Variants in TMEM132C observed in about 807,000 individuals in gnomAD.
TMEM132C encodes the protein transmembrane protein 132C.
TMEM132C carries 29 observed loss-of-function variants against 61.4 expected under a neutral mutation model. The ratio of observed to expected loss-of-function variants is 0.47; its 90% CI spans 0.35 to 0.64. The LOEUF (loss-of-function observed/expected upper bound fraction) is 0.64, where lower values mean the gene tolerates loss of function less well. TMEM132C is among the 30% of genes least tolerant of loss of function. TMEM132C has a pLI of 0.00. For synonymous variants in TMEM132C, 656 were observed against 633.1 expected (o/e 1.04, Z -0.54); for missense variants, 1,408 against 1,476.9 (o/e 0.95, Z 0.76).
intron 1 of TMEM132C, among the ~76,000 whole-genome samples, chr12:128,325,932 C>T (rs1434933704): frequency 2.6e-5 from 4 of 151,958 alleles, no homozygotes; most frequent in South Asian, 2.1e-4. Context: ...TCTTGCTCCT[C>T]GGTCTGCAGC....
rs770469286 is a variant in TMEM132C at position 128,415,193 on chromosome 12, G to GCCC, written c.547_548insCCC (p.Gly183delinsAlaArg). ...TTTCCGAGAAACCAGAGAGGTGCGG[G>GCCC]GCAGCTGCCGGCTGAAGGGGGACCT... On this transcript the variant is annotated protein_altering_variant, in exon 2 of 9. Transcript: ENST00000435159. This position sits in a 1 kb window ranked among gnomAD's most constrained non-coding sequence, Gnocchi z 5.8. The GCCC allele has an allele frequency of 1.4e-5, 22 of 1,610,622 alleles. 1 individual carries two copies. Among genetic ancestry groups the GCCC allele is most frequent in the Non-Finnish European group, 1.8e-5 (21 of 1,178,542 alleles).
intron 2 of TMEM132C, among the ~76,000 whole-genome samples, chr12:128,481,392 G>A (rs541054120): frequency 5.3e-5 from 8 of 152,268 alleles, no homozygotes; most frequent in African/African-American, 7.2e-5. Flanking sequence ...CAGGCCGGAC[G>A]GCTTTGGGGC....
Position 128,267,497 on chromosome 12 carries a change from G to A in TMEM132C, c.85+10G>A, listed in dbSNP as rs1430019642. The A allele has an allele frequency of 1.6e-6, 2 of 1,242,174 alleles. No homozygotes were observed. Among genetic ancestry groups the A allele is most frequent in the African/African-American group, 3.1e-5 (2 of 64,036 alleles). The allele number at this position is 1,242,174 out of a possible 1,614,324, so 76.9% of individuals were successfully genotyped here. ...GCGCTGCTGGGCAAAGGTAAGGCCG[G>A]GGCGGGTGCCTGGCGCGCCGACGCA... On this transcript the variant is annotated intron_variant, in intron 1 of 8. Transcript: ENST00000435159.
intron 1 of TMEM132C, among the ~76,000 whole-genome samples, chr12:128,315,714 T>G (rs938393711): frequency 5.9e-5 from 9 of 152,016 alleles, no homozygotes; most frequent in African/African-American, 2.2e-4. Context: ...ATGTAGTTAG[T>G]GAAGATGAGG....
At chr12:128,651,406 T>G (rs1954269076) in intron 4 of TMEM132C, among the ~76,000 whole-genome samples, 3 of 152,354 alleles carry the variant, frequency 2.0e-5, no homozygotes, top group East Asian at 1.9e-4. Context: ...TCCTGCTGCT[T>G]CTTTCTAATT....
chr12:128,508,133 C>A (rs1872440089), intron 2 of TMEM132C, among the ~76,000 whole-genome samples: 1 of 152,126 alleles, frequency 6.6e-6, no homozygotes, highest in Non-Finnish European at 1.5e-5. Context: ...TTAATGGACT[C>A]ACAGTTCCAC....
Position 128,553,311 on chromosome 12 carries a change from T to A in TMEM132C, c.1121+9208T>A, listed in dbSNP as rs986410657. Among the ~76,000 whole-genome samples, 9 of 151,830 alleles carry A rather than the reference T, an allele frequency of 5.9e-5. No homozygotes were observed. The East Asian group carries it at 1.2e-3, about 20-fold the overall frequency. On this transcript the variant is annotated intron_variant, in intron 3 of 8. Coordinates refer to ENST00000435159, the MANE Select transcript of TMEM132C (RefSeq NM_001136103.3). ...GCTGAGATTTTCTTCTCCTTACCTT[T>A]TTATTAGGCTTATTTTTTTAATGCC...
At chr12:128,355,368 A>T (rs1398845550) in intron 1 of TMEM132C, among the ~76,000 whole-genome samples, 1 of 152,120 alleles carries the variant, frequency 6.6e-6, no homozygotes, top group African/African-American at 2.4e-5. Flanking sequence ...CAGGATGCAC[A>T]GTGAAGTTGC....
At chr12:128,635,620 A>G (rs1954097573) in intron 4 of TMEM132C, among the ~76,000 whole-genome samples, 1 of 152,228 alleles carries the variant, frequency 6.6e-6, no homozygotes, top group South Asian at 2.1e-4. Context: ...ACCTGCCACC[A>G]GGTTACACAT....
At position 128,350,144 on chromosome 12, in the gene TMEM132C, A is replaced by G. The variant is rs71462490; in HGVS notation, c.86-64588A>G. Among the ~76,000 whole-genome samples the G allele has an allele frequency of 3.0e-3, 451 of 152,376 alleles. 7 individuals carry two copies. Among genetic ancestry groups the G allele is most frequent in the Non-Finnish European group, 3.6e-3 (247 of 68,046 alleles). On this transcript the variant is annotated intron_variant, in intron 1 of 8. Transcript: ENST00000435159. ...AATGAAGAATTTTTTGGATGCAAAT[A>G]ACATGAAATCATCACTCCTTTTTTC...
At chr12:128,350,057 C>T (rs1027423366) in intron 1 of TMEM132C, among the ~76,000 whole-genome samples, 1 of 152,170 alleles carries the variant, frequency 6.6e-6, no homozygotes, top group Admixed American at 6.5e-5. Flanking sequence ...TCTTCAATTA[C>T]ATTTTTATTT....
rs1373681454 is a variant in TMEM132C at position 128,340,880 on chromosome 12, TTTTC to T, written c.85+73397_85+73400del. Among the ~76,000 whole-genome samples, 5 of 145,420 alleles carry T rather than the reference TTTTC, an allele frequency of 3.4e-5. No individual in the cohort carries two copies. The East Asian group carries it at 7.8e-4, about 23-fold the overall frequency. On this transcript the variant is annotated intron_variant, in intron 1 of 8. Coordinates refer to ENST00000435159, the MANE Select transcript of TMEM132C (RefSeq NM_001136103.3). ...TTCTTCCTTCCTTCCTTCCTTTCTTTTTTCTTTTTCTTTCTTTCTCTCTTTCTCT... is the reference window on the plus strand; with the variant it reads ...TTCTTCCTTCCTTCCTTCCTTTCTTTTTTTTCTTTCTTTCTCTCTTTCTCT...
At chr12:128,533,930 T>C (rs560686080) in intron 2 of TMEM132C, among the ~76,000 whole-genome samples, 11 of 143,878 alleles carry the variant, frequency 7.6e-5, no homozygotes, top group Non-Finnish European at 1.2e-4. Context: ...ACACACATGC[T>C]CCTCACACAT....
chr12:128,550,078 G>C (rs1874114142), intron 3 of TMEM132C, among the ~76,000 whole-genome samples: 1 of 152,200 alleles, frequency 6.6e-6, no homozygotes, highest in Admixed American at 6.5e-5. Flanking sequence ...AGGTGTGTTA[G>C]CCAGCTAGGG....
At chr12:128,324,478 G>A (rs1872440218) in intron 1 of TMEM132C, among the ~76,000 whole-genome samples, 1 of 152,164 alleles carries the variant, frequency 6.6e-6, no homozygotes, top group African/African-American at 2.4e-5. Context: ...GTCTGTCATA[G>A]CATAGATGTG....
intron 1 of TMEM132C, among the ~76,000 whole-genome samples, chr12:128,409,619 G>A (rs1565927658): frequency 6.6e-6 from 1 of 152,130 alleles, no homozygotes; most frequent in Non-Finnish European, 1.5e-5. Flanking sequence ...AACACTGTGG[G>A]CCAAGCAAAA....
chr12:128,639,109 CAGT>C (rs1417422774), intron 4 of TMEM132C, among the ~76,000 whole-genome samples: 1 of 110,434 alleles, frequency 9.1e-6, no homozygotes, highest in Non-Finnish European at 1.8e-5. Flanking sequence ...TTGATAATGA[CAGT>C]GGTGATGATG....
At chr12:128,472,295 AG>A (rs955437995) in intron 2 of TMEM132C, among the ~76,000 whole-genome samples, 1 of 152,226 alleles carries the variant, frequency 6.6e-6, no homozygotes, top group Admixed American at 6.5e-5. Flanking sequence ...ATTATAAACA[AG>A]CAGTATAATC....
chr12:128,562,948 C>G (rs1874575007), intron 3 of TMEM132C, among the ~76,000 whole-genome samples: 1 of 152,202 alleles, frequency 6.6e-6, no homozygotes, highest in Non-Finnish European at 1.5e-5. Context: ...CAGTGCAATC[C>G]AAGATAGCTC....
Sources: gnomAD v4.1 joint callset for allele counts (sites outside exome capture counted in the v4.1 genomes callset) on GRCh38, gnomAD v4.1.1 for gene constraint, Gnocchi (gnomAD v3.1) non-coding constraint, MANE v1.5 for transcripts, NCBI Gene and HGNC (gene_info 2026-07-23, HGNC 2026-07-21) for gene names.